Variants in TBC1D5 observed in about 807,000 individuals in gnomAD.
The protein encoded by TBC1D5 is TBC1 domain family member 5, also known as TBC1 domain family, member 5.
A neutral mutation model predicts 100.3 loss-of-function variants in TBC1D5; 75 were observed. That is an observed-to-expected ratio of 0.75 (90% CI 0.62 to 0.91). The LOEUF is 0.91. Ranked by LOEUF, TBC1D5 falls within the 40% of genes least tolerant of loss-of-function variation. TBC1D5 has a pLI of 0.00. For missense variants in TBC1D5, 910 were observed against 942.4 expected, an observed-to-expected ratio of 0.97 and a Z score of 0.45; for synonymous variants, 323 against 325.6, an observed-to-expected ratio of 0.99 and a Z score of 0.09.
At chr3:17,166,650 G>T in intron 21 of TBC1D5, 117 bp downstream of exon 22, 1 of 1,409,018 alleles carries the variant, frequency 7.1e-7, no homozygotes, top group Non-Finnish European at 9.6e-7. Context: ...CTCCGCAGTT[G>T]AACTTCATAC....
At chr3:17,557,289 A>C (rs550528816) in intron 2 of TBC1D5, among the ~76,000 whole-genome samples, 4 of 152,176 alleles carry the variant, frequency 2.6e-5, no homozygotes, top group Admixed American at 2.0e-4. Flanking sequence ...GAGAAAAAAA[A>C]CCAAGAGGGA....
At chr3:17,718,873 T>C (rs1294893062) in intron 1 of TBC1D5, among the ~76,000 whole-genome samples, 1 of 152,104 alleles carries the variant, frequency 6.6e-6, no homozygotes, top group Non-Finnish European at 1.5e-5. Flanking sequence ...TGACCCAGAC[T>C]CAAAAATAAT....
chr3:17,444,596 T>A (rs1472617075), intron 3 of TBC1D5, among the ~76,000 whole-genome samples: 1 of 152,034 alleles, frequency 6.6e-6, no homozygotes, highest in Non-Finnish European at 1.5e-5. Flanking sequence ...TGGCTGCCTT[T>A]AGAGAAATAA....
intron 1 of TBC1D5, among the ~76,000 whole-genome samples, chr3:17,717,634 A>G (rs962236880): frequency 1.3e-5 from 2 of 152,202 alleles, no homozygotes; most frequent in Non-Finnish European, 2.9e-5. Flanking sequence ...TTGTCTGATT[A>G]GTGTCTAAAA....
At chr3:17,698,368 C>A (rs577581820) in intron 1 of TBC1D5, among the ~76,000 whole-genome samples, 7 of 151,492 alleles carry the variant, frequency 4.6e-5, no homozygotes, top group African/African-American at 1.7e-4. Context: ...GGAACCCTTC[C>A]TTACACCTTA....
chr3:17,510,027 T>C (rs868385067), intron 2 of TBC1D5, among the ~76,000 whole-genome samples: 4 of 152,004 alleles, frequency 2.6e-5, no homozygotes, highest in East Asian at 1.9e-4. Context: ...AGTTCACCAA[T>C]TGTCATGCAA....
At chr3:17,683,282 ATTTT>A (rs944374656) in intron 1 of TBC1D5, among the ~76,000 whole-genome samples, 1 of 151,072 alleles carries the variant, frequency 6.6e-6, no homozygotes, top group East Asian at 1.9e-4. Context: ...TGATAACATT[ATTTT>A]TTTTAAGGAA....
intron 1 of TBC1D5, among the ~76,000 whole-genome samples, chr3:17,724,255 T>C (rs1036487565): frequency 1.3e-5 from 2 of 151,848 alleles, no homozygotes; most frequent in Non-Finnish European, 2.9e-5. Flanking sequence ...ACCATGCTCG[T>C]CTAATTTTTT....
At chr3:17,225,874 T>C (rs928116871) in intron 17 of TBC1D5, among the ~76,000 whole-genome samples, 14 of 152,016 alleles carry the variant, frequency 9.2e-5, no homozygotes, top group Admixed American at 2.0e-4. Context: ...CAGTATAACA[T>C]AGCATTTACA....
intron 17 of TBC1D5, among the ~76,000 whole-genome samples, chr3:17,219,827 T>G (rs899854083): frequency 6.6e-6 from 1 of 152,098 alleles, no homozygotes; most frequent in East Asian, 1.9e-4. Context: ...CTTGATGTCA[T>G]CCTTTGGTTA....
chr3:17,562,208 CA>C (rs1483947547), intron 2 of TBC1D5: 2 of 151,170 alleles, frequency 1.3e-5, no homozygotes, highest in African/African-American at 2.4e-5. Context: ...ATAAAACTTC[CA>C]TTGGTCAATA....
At chr3:17,738,289 T>TTA (rs1362293522) in intron 1 of TBC1D5, among the ~76,000 whole-genome samples, 1 of 152,174 alleles carries the variant, frequency 6.6e-6, no homozygotes, top group African/African-American at 2.4e-5. Flanking sequence ...TCAGTCTTGA[T>TTA]TATATAGATA....
chr3:17,233,133 C>A (rs1310528009), intron 17 of TBC1D5, among the ~76,000 whole-genome samples: 1 of 152,074 alleles, frequency 6.6e-6, no homozygotes, highest in Non-Finnish European at 1.5e-5. Context: ...GATATTTAAA[C>A]ATTCTTTTTT....
intron 16 of TBC1D5, among the ~76,000 whole-genome samples, chr3:17,250,668 C>A (rs2077101501): frequency 6.6e-6 from 1 of 152,230 alleles, no homozygotes. Flanking sequence ...GTGGCACCCT[C>A]ACTATTCAGT....
At chr3:17,688,897 C>T (rs2153823593) in intron 1 of TBC1D5, among the ~76,000 whole-genome samples, 1 of 152,272 alleles carries the variant, frequency 6.6e-6, no homozygotes, top group Middle Eastern at 3.4e-3. Flanking sequence ...ATAATGAACA[C>T]ATCTAACATA....
At chr3:17,688,583 A>T (rs368660815) in intron 1 of TBC1D5, among the ~76,000 whole-genome samples, 1 of 152,192 alleles carries the variant, frequency 6.6e-6, no homozygotes, top group Non-Finnish European at 1.5e-5. Context: ...ATCTTTACCA[A>T]CCGGGGCAAA....
chr3:17,565,169 C>T (rs1438549185), intron 2 of TBC1D5, among the ~76,000 whole-genome samples: 1 of 152,122 alleles, frequency 6.6e-6, no homozygotes, highest in Non-Finnish European at 1.5e-5. Context: ...TGTCTAAAAA[C>T]ATTGATTGTA....
intron 18 of TBC1D5, among the ~76,000 whole-genome samples, chr3:17,192,936 C>G (rs137967687): frequency 6.6e-6 from 1 of 152,318 alleles, no homozygotes; most frequent in African/African-American, 2.4e-5. Context: ...TCCTTCTACC[C>G]CACATCCTCC....
intron 1 of TBC1D5, among the ~76,000 whole-genome samples, chr3:17,675,883 A>G (rs1433054070): frequency 1.3e-5 from 2 of 152,196 alleles, no homozygotes; most frequent in African/African-American, 4.8e-5. Flanking sequence ...CTAATGGAAG[A>G]AAATAAGACT....
Sources: allele counts gnomAD v4.1 joint callset (sites outside exome capture counted in the v4.1 genomes callset), GRCh38; gene constraint gnomAD v4.1.1; transcripts MANE v1.5; gene names NCBI Gene and HGNC (gene_info 2026-07-23, HGNC 2026-07-21).